The following HNF4G variants were observed in gnomAD, a reference collection of about 807,000 sequenced individuals.
HNF4G encodes hepatocyte nuclear factor 4 gamma.
HNF4G carries 21 observed loss-of-function variants against 50.9 expected under a neutral mutation model. The ratio of observed to expected loss-of-function variants is 0.41; its 90% CI spans 0.29 to 0.59. The LOEUF (loss-of-function observed/expected upper bound fraction) is 0.59, where lower values mean the gene tolerates loss of function less well. Among genes scored for constraint, HNF4G ranks in the 20% least tolerant of loss-of-function variants. The pLI is 0.26. For synonymous variants in HNF4G, 198 were observed against 185.6 expected (o/e 1.07, Z -0.54); for missense variants, 527 against 559.4 (o/e 0.94, Z 0.58).
chr8:75,504,275 A>ACC (rs1554576023), intron 2 of HNF4G, among the ~76,000 whole-genome samples: 12 of 148,052 alleles, frequency 8.1e-5, no homozygotes, highest in East Asian at 4.0e-4. Context: ...ACACACACAC[A>ACC]CCAAAAACAA....
At chr8:75,512,614 G>C (rs1028270722) in intron 2 of HNF4G, among the ~76,000 whole-genome samples, 3 of 151,758 alleles carry the variant, frequency 2.0e-5, no homozygotes, top group Non-Finnish European at 2.9e-5. Context: ...ACAGGCGCCA[G>C]CCAAGACGCC....
At chr8:75,499,283 A>T (rs2926586) in intron 2 of HNF4G, among the ~76,000 whole-genome samples, 18,419 of 152,028 alleles carry the variant, frequency 0.12, 1,529 homozygotes, top group African/African-American at 0.24. Flanking sequence ...CATTAACAAT[A>T]GCTTAAAAAT....
chr8:75,409,364 T>C (rs1366359956), intron 1 of HNF4G, among the ~76,000 whole-genome samples: 2 of 152,206 alleles, frequency 1.3e-5, no homozygotes, highest in East Asian at 3.9e-4. Flanking sequence ...AAATATTGCA[T>C]TTTTAATCAC....
At position 75,564,093 on chromosome 8, in the gene HNF4G, G is replaced by A. The variant is rs757168242; in HGVS notation, c.1365G>A (p.Leu455=). Residue 455 remains leucine, a synonymous_variant, in exon 10 of 10, where the codon TTG becomes TTA. Transcript: ENST00000396423. ...AGCATCTCTCCAAACAAAAGCAATT[G>A]TGAAAATGTGTTTACTTCAGAACGG... ...SHQHLSKQKQ[L] 11 of 1,613,074 alleles carry A rather than the reference G, an allele frequency of 6.8e-6. No individual in the cohort carries two copies. Among genetic ancestry groups the A allele is most frequent in the Admixed American group, 6.7e-5 (4 of 59,962 alleles).
intron 1 of HNF4G, among the ~76,000 whole-genome samples, chr8:75,476,173 T>C (rs1812234838): frequency 6.6e-6 from 1 of 152,014 alleles, no homozygotes; most frequent in Non-Finnish European, 1.5e-5. Context: ...TATCTCCCAC[T>C]TAAAAGTTAG....
chr8:75,508,257 C>T (rs1384520902), intron 2 of HNF4G, among the ~76,000 whole-genome samples: 1 of 151,764 alleles, frequency 6.6e-6, no homozygotes, highest in African/African-American at 2.4e-5. Context: ...TTTTCCATGC[C>T]CTATTTGAGA....
At chr8:75,428,490 T>C (rs966520632) in intron 1 of HNF4G, among the ~76,000 whole-genome samples, 1 of 152,204 alleles carries the variant, frequency 6.6e-6, no homozygotes, top group Admixed American at 6.5e-5. Flanking sequence ...TCCAGGCTTA[T>C]TTAATAAGAA....
chr8:75,532,214 C>A (rs1000502877), intron 2 of HNF4G, among the ~76,000 whole-genome samples: 3 of 152,020 alleles, frequency 2.0e-5, no homozygotes, highest in African/African-American at 7.2e-5. Flanking sequence ...CTAGTTTTTA[C>A]ATATAAGAAA....
At chr8:75,411,521 T>C (rs1203250733) in intron 1 of HNF4G, among the ~76,000 whole-genome samples, 1 of 152,222 alleles carries the variant, frequency 6.6e-6, no homozygotes, top group Admixed American at 6.5e-5. Flanking sequence ...TTAAAACATG[T>C]TGACAGAGTA....
chr8:75,481,118 A>C (rs545853485), intron 1 of HNF4G, among the ~76,000 whole-genome samples: 2 of 152,236 alleles, frequency 1.3e-5, no homozygotes, highest in African/African-American at 4.8e-5. Context: ...CTCCCACACA[A>C]TTCTGACTTT....
intron 1 of HNF4G, among the ~76,000 whole-genome samples, chr8:75,453,777 A>T (rs538996142): frequency 6.6e-6 from 1 of 152,192 alleles, no homozygotes; most frequent in African/African-American, 2.4e-5. Flanking sequence ...CATATCTCTG[A>T]TCCTAATGTT....
At chr8:75,509,390 T>C (rs1454763705) in intron 2 of HNF4G, among the ~76,000 whole-genome samples, 2 of 152,148 alleles carry the variant, frequency 1.3e-5, no homozygotes, top group South Asian at 4.1e-4. Context: ...GAGGTGTATA[T>C]AAAGACTGGG....
intron 1 of HNF4G, among the ~76,000 whole-genome samples, chr8:75,466,381 G>A (rs1225038200): frequency 6.6e-6 from 1 of 151,596 alleles, no homozygotes; most frequent in Admixed American, 6.6e-5. Context: ...TATCTAATTT[G>A]TTTTATTAGA....
At chr8:75,453,957 T>G (rs149386427) in intron 1 of HNF4G, among the ~76,000 whole-genome samples, 22 of 152,068 alleles carry the variant, frequency 1.4e-4, no homozygotes, top group African/African-American at 4.6e-4. Context: ...GGGAGGTAAT[T>G]AGGATTAGAA....
chr8:75,477,372 C>T (rs766742491), intron 1 of HNF4G, among the ~76,000 whole-genome samples: 1 of 152,022 alleles, frequency 6.6e-6, no homozygotes. Flanking sequence ...TTATCAATAT[C>T]GTTGTCTATT....
chr8:75,557,988 G>A (rs111791026), intron 6 of HNF4G, among the ~76,000 whole-genome samples: 18 of 151,924 alleles, frequency 1.2e-4, no homozygotes, highest in Middle Eastern at 3.4e-3. Flanking sequence ...AGTCCTGGAA[G>A]AGAAAACATA....
intron 2 of HNF4G, among the ~76,000 whole-genome samples, chr8:75,523,819 C>G (rs1302811682): frequency 1.3e-5 from 2 of 151,706 alleles, no homozygotes; most frequent in Non-Finnish European, 2.9e-5. Flanking sequence ...TGATGAGAAA[C>G]AAATAATTTT....
At chr8:75,486,664 G>T (rs1278448983) in intron 1 of HNF4G, among the ~76,000 whole-genome samples, 2 of 152,122 alleles carry the variant, frequency 1.3e-5, no homozygotes, top group Non-Finnish European at 2.9e-5. Flanking sequence ...TTTCTATGCT[G>T]AAAGTTTATA....
At chr8:75,542,854 A>G (rs1806668411) in intron 1 of HNF4G, among the ~76,000 whole-genome samples, 1 of 152,140 alleles carries the variant, frequency 6.6e-6, no homozygotes, top group African/African-American at 2.4e-5. Context: ...ATGATGGTTG[A>G]TTGAATAAGG....
Sources: gnomAD v4.1 joint callset for allele counts (sites outside exome capture counted in the v4.1 genomes callset) on GRCh38, gnomAD v4.1.1 for gene constraint, MANE v1.5 for transcripts, NCBI Gene and HGNC (gene_info 2026-07-23, HGNC 2026-07-21) for gene names.